CFAP54: variants seen among roughly 807,000 people sequenced by gnomAD.
CFAP54 encodes cilia and flagella associated protein 54, also known as cilia- and flagella-associated protein 54.
Under a neutral mutation model 370.4 loss-of-function variants are expected in CFAP54, and 290 were observed. The ratio of observed to expected loss-of-function variants is 0.78; its 90% CI spans 0.71 to 0.86. The LOEUF is 0.86. Ranked by LOEUF, CFAP54 falls within the 40% of genes least tolerant of loss-of-function variation. The pLI is 0.00. For synonymous variants in CFAP54, 1,206 were observed against 1,236.5 expected (o/e 0.98, Z 0.52); for missense variants, 3,399 against 3,528.7 (o/e 0.96, Z 0.93).
intron 63 of CFAP54, among the ~76,000 whole-genome samples, chr12:96,806,804 A>G (rs1958887507): frequency 6.6e-6 from 1 of 152,232 alleles, no homozygotes; most frequent in Non-Finnish European, 1.5e-5. Flanking sequence ...ATCCAGCTTC[A>G]GGGAGCTTGG....
At position 96,651,789 on chromosome 12, in the gene CFAP54, C is replaced by T; in HGVS notation, c.5074C>T (p.Gln1692Ter). 1.9e-6 allele frequency: 3 copies of T among 1,602,498 alleles called. No individual in the cohort carries two copies. Among genetic ancestry groups the T allele is most frequent in the African/African-American group, 2.7e-5 (2 of 74,794 alleles). The change falls in exon 36 of 68, where the codon CAA (glutamine) becomes TAA (stop). Residue 1692 changes from glutamine to a stop codon, truncating the protein, a stop_gained. Transcript: ENST00000524981. LOFTEE classifies it high-confidence loss of function. ...AGAATTACTTATTGACATGTTAATA[C>T]AACTACAAAATACCAGTTCTATTAA... is the stretch of plus-strand genomic sequence containing the variant. The part of the protein sequence containing the change: ...GAELLIDMLI[Q>*]LQNTSSIKPI...
At chr12:96,672,809 G>T (rs1368992346) in intron 39 of CFAP54, among the ~76,000 whole-genome samples, 1 of 152,182 alleles carries the variant, frequency 6.6e-6, no homozygotes, top group Admixed American at 6.5e-5. Flanking sequence ...GAGAAAATAT[G>T]TGAAAAATGG....
intron 19 of CFAP54, among the ~76,000 whole-genome samples, chr12:96,569,097 C>T (rs974563340): frequency 1.3e-5 from 2 of 152,108 alleles, no homozygotes; most frequent in African/African-American, 2.4e-5. Context: ...TGGCTTATGT[C>T]ATTGCTCTTA....
At chr12:96,550,413 C>T (rs574630875) in intron 15 of CFAP54, among the ~76,000 whole-genome samples, 1 of 152,190 alleles carries the variant, frequency 6.6e-6, no homozygotes, top group Non-Finnish European at 1.5e-5. Context: ...CCTGTCTTTA[C>T]TAAAAACACA....
chr12:96,684,819 T>G (rs1249715775), intron 41 of CFAP54, 84 bp downstream of exon 41: 2 of 1,219,416 alleles, frequency 1.6e-6, no homozygotes, highest in Non-Finnish European at 1.2e-6. Context: ...AAACATTGTC[T>G]TTCATAAATT....
chr12:96,493,615 A>G (rs961294818), intron 1 of CFAP54, among the ~76,000 whole-genome samples: 1 of 152,094 alleles, frequency 6.6e-6, no homozygotes, highest in Non-Finnish European at 1.5e-5. Context: ...TGGCCAACAT[A>G]GTGAAACCCT....
chr12:96,562,073 A>G (rs928216535), intron 17 of CFAP54, among the ~76,000 whole-genome samples: 2 of 152,128 alleles, frequency 1.3e-5, no homozygotes, highest in African/African-American at 4.8e-5. Context: ...GGTGTGAGCC[A>G]CTGCGCCTGA....
intron 17 of CFAP54, among the ~76,000 whole-genome samples, chr12:96,562,329 T>G (rs985446587): frequency 1.3e-5 from 2 of 152,138 alleles, no homozygotes; most frequent in African/African-American, 2.4e-5. Context: ...CTAGAAAATG[T>G]CATACATCAG....
At chr12:96,869,714 T>C (rs1043440914) in intron 67 of CFAP54, among the ~76,000 whole-genome samples, 7 of 151,890 alleles carry the variant, frequency 4.6e-5, no homozygotes, top group African/African-American at 1.7e-4. Flanking sequence ...GGCGGGTGGA[T>C]CACCTGAGGT....
intron 2 of CFAP54, among the ~76,000 whole-genome samples, chr12:96,503,557 A>T (rs891972522): frequency 6.6e-6 from 1 of 152,046 alleles, no homozygotes; most frequent in Non-Finnish European, 1.5e-5. Context: ...GTGGGTTACC[A>T]TGATCTGATG....
Position 96,651,692 on chromosome 12 carries a change from T to A in CFAP54, c.4977T>A (p.Asp1659Glu). 1.9e-6 allele frequency: 3 copies of A among 1,614,024 alleles called. No homozygotes were observed. Among genetic ancestry groups the A allele is most frequent in the Non-Finnish European group, 2.5e-6 (3 of 1,179,894 alleles). ...AAATACTTCTTAAACAGGCAGTGGA[T>A]CTTGATAAAACATTTCCTATTAGCC... ...ELQILLKQAV[D>E]LDKTFPISQD... Residue 1659 changes from aspartate (D) to glutamate (E), a missense_variant, in exon 36 of 68, where the codon GAT (aspartate) becomes GAA (glutamate). Asp to Glu is a conservative substitution (Grantham distance 45, BLOSUM62 2). Around this residue, in one of 3 missense-constraint regions of CFAP54, gnomAD observed 2,796 missense variants for 2,869.7 expected, o/e 0.97. Transcript: ENST00000524981.
At chr12:96,859,486 G>A (rs2009790) in intron 66 of CFAP54, among the ~76,000 whole-genome samples, 122,626 of 151,954 alleles carry the variant, frequency 0.81, 50,117 homozygotes, top group African/African-American at 0.94. Flanking sequence ...GCTTGCTGCA[G>A]CCTCTGCCTC....
Position 96,651,739 on chromosome 12 carries a change from C to G in CFAP54, c.5024C>G (p.Ser1675Cys). The G allele has an allele frequency of 6.2e-7, 1 of 1,613,816 alleles. No individual in the cohort carries two copies. The highest frequency in any genetic ancestry group is 8.5e-7 in the Non-Finnish European group (1 of 1,179,722). The change falls in exon 36 of 68, where the codon TCT becomes TGT. Residue 1675 changes from serine to cysteine, a missense_variant. This residue lies in a region of CFAP54 where 2,796 missense variants were observed against 2,869.7 expected (regional missense o/e 0.97). Transcript: ENST00000524981. The part of the protein sequence containing the change: ...PISQDGFLCT[S>C]VLPFYLGAEL... Reference sequence around the variant, plus strand: ...AGCCAAGATGGTTTCCTCTGCACCTCTGTTTTACCATTCTATTTGGGAGCA... The same window carrying G: ...AGCCAAGATGGTTTCCTCTGCACCTGTGTTTTACCATTCTATTTGGGAGCA...
At chr12:96,789,546 GTA>G (rs1348007408) in intron 62 of CFAP54, among the ~76,000 whole-genome samples, 1 of 152,190 alleles carries the variant, frequency 6.6e-6, no homozygotes, top group Non-Finnish European at 1.5e-5. Flanking sequence ...TGAATATTAT[GTA>G]AGAGTTTGGA....
intron 50 of CFAP54, among the ~76,000 whole-genome samples, chr12:96,721,651 TATC>T (rs1957755196): frequency 2.6e-5 from 4 of 152,334 alleles, no homozygotes; most frequent in South Asian, 2.1e-4. Flanking sequence ...ATACATTTCT[TATC>T]ATTCATTAAT....
Position 96,853,447 on chromosome 12 carries a change from T to C in CFAP54, c.9172-7372T>C, listed in dbSNP as rs578146055. 3.3e-5 allele frequency among the ~76,000 whole-genome samples: 5 copies of C among 152,284 alleles called. No homozygotes were observed. In the South Asian group the frequency reaches 8.3e-4, roughly 25 times the overall value. On this transcript the variant is annotated intron_variant, in intron 66 of 67. Coordinates refer to ENST00000524981, the MANE Select transcript of CFAP54 (RefSeq NM_001306084.2). Reference sequence around the variant, plus strand: ...TTCTATTTCTTGACCTGGGTGATGATTACATGAATATATTCATTTTGAAAG... The same window carrying C: ...TTCTATTTCTTGACCTGGGTGATGACTACATGAATATATTCATTTTGAAAG...
intron 50 of CFAP54, among the ~76,000 whole-genome samples, chr12:96,722,263 C>A (rs180691854): frequency 6.6e-6 from 1 of 152,312 alleles, no homozygotes; most frequent in African/African-American, 2.4e-5. Flanking sequence ...CCATTTCATA[C>A]CCTCTTGACG....
Position 96,718,592 on chromosome 12 carries a change from C to G in CFAP54, c.6804+70C>G, listed in dbSNP as rs1957712748. The G allele has an allele frequency of 1.1e-5, 10 of 896,946 alleles. No individual in the cohort carries two copies. In the South Asian group the frequency reaches 1.5e-4, roughly 13 times the overall value. The allele number at this position is 896,946 out of a possible 1,614,324, so 55.6% of individuals were successfully genotyped here. Reference sequence around the variant, plus strand: ...ATCCACTATTAGGCCCTGGATGGGCCTGCTTTCAGAGTTATGCTTGCTCTT... The same window carrying G: ...ATCCACTATTAGGCCCTGGATGGGCGTGCTTTCAGAGTTATGCTTGCTCTT... On this transcript the variant is annotated intron_variant, in intron 49 of 67. Transcript: ENST00000524981.
At chr12:96,636,896 T>C (rs1956669405) in intron 32 of CFAP54, among the ~76,000 whole-genome samples, 1 of 151,448 alleles carries the variant, frequency 6.6e-6, no homozygotes, top group Non-Finnish European at 1.5e-5. Context: ...ACAGCTTTAT[T>C]GAGATAATAA....
Sources: allele counts gnomAD v4.1 joint callset (sites outside exome capture counted in the v4.1 genomes callset), GRCh38; gene constraint gnomAD v4.1.1; regional missense constraint gnomAD v4.1.1; transcripts MANE v1.5; gene names NCBI Gene and HGNC (gene_info 2026-07-23, HGNC 2026-07-21).